Variants in ITGA9 observed in about 807,000 individuals in gnomAD.
ITGA9 encodes the protein integrin alpha-9.
Under a neutral mutation model 127.8 loss-of-function variants are expected in ITGA9, and 56 were observed. That is an observed-to-expected ratio of 0.44 (90% CI 0.35 to 0.55). The LOEUF (loss-of-function observed/expected upper bound fraction) is 0.55, where lower values mean the gene tolerates loss of function less well. ITGA9 is among the 20% of genes least tolerant of loss of function. The pLI, the probability that ITGA9 is intolerant of heterozygous loss-of-function variation, is 0.00. For synonymous variants in ITGA9, 508 were observed against 514.5 expected, an observed-to-expected ratio of 0.99 and a Z score of 0.17; for missense variants, 1,196 against 1,347.1, an observed-to-expected ratio of 0.89 and a Z score of 1.76.
At chr3:37,464,708 C>T (rs1413616419) in intron 1 of ITGA9, among the ~76,000 whole-genome samples, 2 of 152,240 alleles carry the variant, frequency 1.3e-5, no homozygotes, top group African/African-American at 2.4e-5. Context: ...GGTAGAACTA[C>T]TGGCTTAAAA....
At chr3:37,677,908 A>AT (rs1019331515) in intron 17 of ITGA9, among the ~76,000 whole-genome samples, 3 of 152,168 alleles carry the variant, frequency 2.0e-5, no homozygotes, top group East Asian at 1.9e-4. Context: ...AGTATCTGTG[A>AT]TTTTTTTGGA....
chr3:37,669,643 A>G (rs79385014), intron 17 of ITGA9, among the ~76,000 whole-genome samples: 10,623 of 152,268 alleles, frequency 0.07, 458 homozygotes, highest in Middle Eastern at 0.14. Context: ...GTGGGAGAGA[A>G]AAAAAAACAG....
chr3:37,537,628 A>G (rs1205623553), intron 14 of ITGA9, among the ~76,000 whole-genome samples: 1 of 152,226 alleles, frequency 6.6e-6, no homozygotes, highest in Non-Finnish European at 1.5e-5. Flanking sequence ...TGAGCAGGAC[A>G]GGCAAAGTCC....
At chr3:37,770,981 C>T in intron 23 of ITGA9, among the ~76,000 whole-genome samples, 1 of 152,336 alleles carries the variant, frequency 6.6e-6, no homozygotes, top group East Asian at 1.9e-4. Flanking sequence ...TGGTAGAATA[C>T]AGCCTTGTCA....
intron 17 of ITGA9, among the ~76,000 whole-genome samples, chr3:37,666,025 A>T (rs1450404318): frequency 6.6e-6 from 1 of 152,196 alleles, no homozygotes; most frequent in Non-Finnish European, 1.5e-5. Context: ...ACAAATGTGG[A>T]TGGAGCACTT....
chr3:37,544,263 G>C (rs1390611352), intron 15 of ITGA9, among the ~76,000 whole-genome samples: 1 of 152,166 alleles, frequency 6.6e-6, no homozygotes, highest in Non-Finnish European at 1.5e-5. Flanking sequence ...CTGTTTCTAT[G>C]GTGGCCCTGA....
At chr3:37,694,728 A>T (rs745924842) in intron 18 of ITGA9, among the ~76,000 whole-genome samples, 92 of 152,320 alleles carry the variant, frequency 6.0e-4, no homozygotes, top group East Asian at 7.7e-4. Flanking sequence ...TAACTGCAAA[A>T]CAGCAATTTA....
At chr3:37,730,822 G>A (rs1212345208) in intron 18 of ITGA9, among the ~76,000 whole-genome samples, 1 of 152,204 alleles carries the variant, frequency 6.6e-6, no homozygotes, top group African/African-American at 2.4e-5. Context: ...CTCCTTGACA[G>A]TGAGGACAAC....
rs138005905 is a variant in ITGA9 at position 37,505,907 on chromosome 3, G to A, written c.743-93G>A. The A allele has an allele frequency of 6.5e-5, 59 of 902,370 alleles. 1 individual carries two copies. In the African/African-American group the frequency reaches 6.6e-4, roughly 10 times the overall value. The allele number at this position is 902,370 out of a possible 1,614,324, so 55.9% of individuals were successfully genotyped here. On this transcript the variant is annotated intron_variant, in intron 6 of 27. Coordinates refer to ENST00000264741, the MANE Select transcript of ITGA9 (RefSeq NM_002207.3). Reference sequence around the variant, plus strand: ...GTAGTTTATGTTCCAAGAGTAGGGAGCATGCTTGAGAAACATTTTCCTCTG... The same window carrying A: ...GTAGTTTATGTTCCAAGAGTAGGGAACATGCTTGAGAAACATTTTCCTCTG...
At chr3:37,732,533 G>C (rs1396868991) in intron 18 of ITGA9, among the ~76,000 whole-genome samples, 179 bp from the exon 19 acceptor site, 1 of 152,102 alleles carries the variant, frequency 6.6e-6, no homozygotes, top group Non-Finnish European at 1.5e-5. Flanking sequence ...TCTTCCCAGG[G>C]AACCCATGAA....
At chr3:37,662,263 C>T (rs902119431) in intron 17 of ITGA9, among the ~76,000 whole-genome samples, 6 of 151,926 alleles carry the variant, frequency 3.9e-5, no homozygotes, top group South Asian at 2.1e-4. Flanking sequence ...ATTAGCCAGG[C>T]GTGGCAGCAA....
In ITGA9 at chr3:37,523,576, C is replaced by G. The variant is rs374117373; in HGVS notation, c.1292C>G (p.Ser431Trp). The G allele has an allele frequency of 1.2e-6, 2 of 1,613,822 alleles. No homozygotes were observed. Among genetic ancestry groups the G allele is most frequent in the South Asian group, 2.2e-5 (2 of 91,058 alleles). ...CTCCGGATGTTTGGTCAGTCCATATCGGGAGGCATTGATATGGATGGAAAT... is the reference window on the plus strand; with the variant it reads ...CTCCGGATGTTTGGTCAGTCCATATGGGGAGGCATTGATATGGATGGAAAT... The part of the protein sequence containing the change: ...PVLRMFGQSI[S>W]GGIDMDGNGY... The change falls in exon 12 of 28, where the codon TCG becomes TGG. Residue 431 changes from serine (S) to tryptophan (W), a missense_variant. Physicochemically the swap from Ser to Trp is radical, Grantham distance 177 (BLOSUM62 -3). Transcript: ENST00000264741.
Position 37,526,815 on chromosome 3 carries a change from C to CTCT in ITGA9, c.1373+744_1373+745insTCT, listed in dbSNP as rs1319679184. ...TAGGATCTCAGAGCTGGAAGGGATC[C>CTCT]CAGAGGCCATGTAGTTCCACACCCC... On this transcript the variant is annotated intron_variant, in intron 13 of 27. Coordinates refer to ENST00000264741, the MANE Select transcript of ITGA9 (RefSeq NM_002207.3). Among the ~76,000 whole-genome samples, 4 of 152,172 alleles carry CTCT rather than the reference C, an allele frequency of 2.6e-5. No homozygotes were observed. In the East Asian group the frequency reaches 7.7e-4, roughly 29 times the overall value.
At chr3:37,684,387 G>A (rs967508175) in intron 18 of ITGA9, among the ~76,000 whole-genome samples, 4 of 152,200 alleles carry the variant, frequency 2.6e-5, no homozygotes, top group East Asian at 3.8e-4. Context: ...GAAAGTAAGG[G>A]CAGATCACTG....
chr3:37,675,743 CTTTTTTTTT>C lies in ITGA9; in HGVS notation c.1917-8111_1917-8103del, dbSNP rs5848124. 3.2e-5 allele frequency among the ~76,000 whole-genome samples: 4 copies of C among 124,538 alleles called. No homozygotes were observed. The South Asian group carries it at 7.7e-4, about 24-fold the overall frequency. 81.7% of individuals were successfully genotyped at this position (124,538 alleles called of 152,430 possible). On this transcript the variant is annotated intron_variant, in intron 17 of 27. Coordinates refer to ENST00000264741, the MANE Select transcript of ITGA9 (RefSeq NM_002207.3). The stretch of plus-strand genomic sequence containing the variant: ...AAATATGATCAATTTTTAAAAACTA[CTTTTTTTTT>C]TTTTTTTTTTGAGATGGAATCTTGC...
chr3:37,724,902 A>G (rs898027246), intron 18 of ITGA9, among the ~76,000 whole-genome samples: 2 of 152,162 alleles, frequency 1.3e-5, no homozygotes, highest in Non-Finnish European at 2.9e-5. Flanking sequence ...GTACAGATGG[A>G]TGATGTATAA....
At chr3:37,739,276 G>A (rs553130752) in intron 20 of ITGA9, among the ~76,000 whole-genome samples, 12 of 152,332 alleles carry the variant, frequency 7.9e-5, no homozygotes, top group African/African-American at 2.9e-4. Context: ...CCTAGGATCT[G>A]TAGCTTCAAT....
chr3:37,815,566 G>A (rs1007275632), intron 27 of ITGA9, among the ~76,000 whole-genome samples: 8 of 150,256 alleles, frequency 5.3e-5, no homozygotes, highest in Non-Finnish European at 8.8e-5. Flanking sequence ...CCGAGATGGC[G>A]CCATTGCACT....
chr3:37,700,336 G>A (rs984348886), intron 18 of ITGA9, among the ~76,000 whole-genome samples: 9 of 151,884 alleles, frequency 5.9e-5, no homozygotes, highest in African/African-American at 1.7e-4. Flanking sequence ...CCGGAATTAG[G>A]TTAGGTTTCT....
Sources: allele counts gnomAD v4.1 joint callset (sites outside exome capture counted in the v4.1 genomes callset), GRCh38; gene constraint gnomAD v4.1.1; transcripts MANE v1.5; gene names NCBI Gene and HGNC (gene_info 2026-07-23, HGNC 2026-07-21).